Variants in SEMA6D observed in about 807,000 individuals in gnomAD.
The protein encoded by SEMA6D is semaphorin 6D, also known as semaphorin-6D.
In SEMA6D, 35 loss-of-function variants were observed where a neutral mutation model predicts 106.6. The observed-to-expected ratio is 0.33, with a 90% CI of 0.25 to 0.44. The LOEUF (loss-of-function observed/expected upper bound fraction) is 0.44. SEMA6D is among the 20% of genes least tolerant of loss of function. SEMA6D has a pLI of 1.00. For missense variants in SEMA6D, 1,185 were observed against 1,345.9 expected (o/e 0.88, Z 1.87); for synonymous variants, 499 against 487.7 (o/e 1.02, Z -0.31).
At chr15:47,343,580 A>G (rs1251480149) in intron 1 of SEMA6D, among the ~76,000 whole-genome samples, 2 of 152,144 alleles carry the variant, frequency 1.3e-5, no homozygotes, top group Non-Finnish European at 2.9e-5. Context: ...TACAAAGGAC[A>G]TGAACTCATC....
At chr15:47,191,457 G>A (rs1893952735) in intron 1 of SEMA6D, among the ~76,000 whole-genome samples, 1 of 152,080 alleles carries the variant, frequency 6.6e-6, no homozygotes, top group East Asian at 1.9e-4. Context: ...GCCTTCACTA[G>A]TAATGAGGCC....
At chr15:47,442,721 G>C (rs1429482622) in intron 2 of SEMA6D, among the ~76,000 whole-genome samples, 2 of 152,090 alleles carry the variant, frequency 1.3e-5, no homozygotes, top group East Asian at 3.9e-4. Flanking sequence ...TGGAATGCCT[G>C]GGTTGGAAGT....
chr15:47,336,478 A>G (rs2037561315), intron 1 of SEMA6D, among the ~76,000 whole-genome samples: 1 of 152,158 alleles, frequency 6.6e-6, no homozygotes, highest in African/African-American at 2.4e-5. Context: ...AGCAACAACT[A>G]CTGGGACTTT....
chr15:47,239,236 C>T (rs1028518625), intron 1 of SEMA6D, among the ~76,000 whole-genome samples: 2 of 152,218 alleles, frequency 1.3e-5, no homozygotes, highest in African/African-American at 4.8e-5. Flanking sequence ...TCACTGTCTC[C>T]TGTCACCCCC....
intron 1 of SEMA6D, among the ~76,000 whole-genome samples, chr15:47,363,409 T>C (rs1010096368): frequency 6.6e-6 from 1 of 151,006 alleles, no homozygotes; most frequent in Non-Finnish European, 1.5e-5. Flanking sequence ...GTAAATTACA[T>C]GTGGGGTGGC....
intron 4 of SEMA6D, among the ~76,000 whole-genome samples, chr15:47,605,097 A>G (rs1011464975): frequency 6.6e-6 from 1 of 152,136 alleles, no homozygotes; most frequent in South Asian, 2.1e-4. Context: ...AGTTTCTGAG[A>G]GTCAGGAATC....
At chr15:47,547,108 C>T (rs2045547010) in intron 3 of SEMA6D, among the ~76,000 whole-genome samples, 2 of 151,966 alleles carry the variant, frequency 1.3e-5, no homozygotes, top group Admixed American at 6.6e-5. Context: ...ATTAAATCAA[C>T]GTATACATAC....
chr15:47,283,714 A>G (rs1352897312), intron 1 of SEMA6D, among the ~76,000 whole-genome samples: 1 of 152,186 alleles, frequency 6.6e-6, no homozygotes, highest in East Asian at 1.9e-4. Flanking sequence ...TACACCAGAA[A>G]CACAGCAAGC....
At chr15:47,685,292 T>C (rs919779648) in intron 4 of SEMA6D, among the ~76,000 whole-genome samples, 2 of 152,168 alleles carry the variant, frequency 1.3e-5, no homozygotes, top group African/African-American at 4.8e-5. Context: ...AGGCAAATGC[T>C]TTCACACTGA....
chr15:47,348,727 C>CACCACACACAGAGAGAGAG (rs1450109233), intron 1 of SEMA6D, among the ~76,000 whole-genome samples: 1 of 57,118 alleles, frequency 1.8e-5, no homozygotes, highest in African/African-American at 4.9e-5. Context: ...ACCACACACA[C>CACCACACACAGAGAGAGAG]AGAGAGAGAG....
chr15:47,539,239 G>A (rs1459544783), intron 3 of SEMA6D, among the ~76,000 whole-genome samples: 1 of 152,012 alleles, frequency 6.6e-6, no homozygotes. Flanking sequence ...TTCTACTAAC[G>A]TGTTTACAAC....
chr15:47,726,810 T>C (rs577575963), intron 1 of SEMA6D, among the ~76,000 whole-genome samples: 1 of 152,360 alleles, frequency 6.6e-6, no homozygotes, highest in South Asian at 2.1e-4. Flanking sequence ...CCAGAGCCTA[T>C]GCTTTTAGCC....
intron 1 of SEMA6D, among the ~76,000 whole-genome samples, chr15:47,389,602 C>G (rs1267697879): frequency 6.6e-6 from 1 of 152,142 alleles, no homozygotes; most frequent in Middle Eastern, 3.2e-3. Context: ...TCAATGCAAA[C>G]CTTCAACATA....
At chr15:47,376,999 A>G (rs924435355) in intron 1 of SEMA6D, among the ~76,000 whole-genome samples, 3 of 152,208 alleles carry the variant, frequency 2.0e-5, no homozygotes, top group African/African-American at 7.2e-5. Context: ...ATATTCACCT[A>G]TAATTACTTG....
chr15:47,596,241 A>T (rs557839243), intron 3 of SEMA6D, among the ~76,000 whole-genome samples: 49 of 152,268 alleles, frequency 3.2e-4, no homozygotes, highest in Non-Finnish European at 5.4e-4. Context: ...GAGGTGAAAG[A>T]TCTCTACAAT....
intron 1 of SEMA6D, among the ~76,000 whole-genome samples, chr15:47,719,219 A>C (rs917084673): frequency 6.6e-6 from 1 of 152,186 alleles, no homozygotes; most frequent in African/African-American, 2.4e-5. Flanking sequence ...AACTTAGGGC[A>C]GTACTCCCTG....
chr15:47,650,865 A>G (rs2077675552), intron 4 of SEMA6D, among the ~76,000 whole-genome samples: 1 of 152,126 alleles, frequency 6.6e-6, no homozygotes, highest in Non-Finnish European at 1.5e-5. Context: ...CTGACATGGT[A>G]TAAGAAGAAA....
chr15:47,766,628 T>C lies in SEMA6D; in HGVS notation c.1659T>C (p.Tyr553=). The change falls in exon 16 of 19, where the codon TAT becomes TAC. Residue 553 remains tyrosine (Y), a synonymous_variant. Coordinates refer to ENST00000536845, the MANE Select transcript of SEMA6D (RefSeq NM_001358351.3). ...TCCATAACCACAGTGCTGAAGGATATGAACAAGACACAGAATTCGGCAACA... is the reference window on the plus strand; with the variant it reads ...TCCATAACCACAGTGCTGAAGGATACGAACAAGACACAGAATTCGGCAACA... ...RVTPGMLAEG[Y]EQDTEFGNTA... 1.9e-6 allele frequency: 3 copies of C among 1,612,984 alleles called. No homozygotes were observed. The highest frequency in any genetic ancestry group is 2.5e-6 in the Non-Finnish European group (3 of 1,179,270).
chr15:47,647,627 C>G (rs942285288), intron 4 of SEMA6D, among the ~76,000 whole-genome samples: 4 of 151,550 alleles, frequency 2.6e-5, no homozygotes, highest in Admixed American at 1.3e-4. Context: ...GCAGATGAAA[C>G]TAAATTCGCA....
Sources: gnomAD v4.1 joint callset for allele counts (sites outside exome capture counted in the v4.1 genomes callset) on GRCh38, gnomAD v4.1.1 for gene constraint, MANE v1.5 for transcripts, NCBI Gene and HGNC (gene_info 2026-07-23, HGNC 2026-07-21) for gene names.